OTOGL: variants seen among roughly 807,000 people sequenced by gnomAD.
OTOGL encodes the protein otogelin like.
In OTOGL, 285 loss-of-function variants were observed where a neutral mutation model predicts 318.5. That is an observed-to-expected ratio of 0.89 (90% CI 0.81 to 0.99). The LOEUF (loss-of-function observed/expected upper bound fraction) is 0.99, where lower values mean the gene tolerates loss of function less well. OTOGL is among the 50% of genes least tolerant of loss of function. The pLI, the probability that OTOGL is intolerant of heterozygous loss-of-function variation, is 0.00. For synonymous variants in OTOGL, 987 were observed against 936.5 expected, an observed-to-expected ratio of 1.05 and a Z score of -0.99; for missense variants, 2,899 against 2,845.6, an observed-to-expected ratio of 1.02 and a Z score of -0.43.
rs115396625 is a variant in OTOGL, at chr12:80,208,143, A to C, written c.-19-1270A>C. 1,177 of 495,508 alleles carry C rather than the reference A, an allele frequency of 2.4e-3. 13 individuals are homozygous for C. The highest frequency in any genetic ancestry group is 0.021 in the African/African-American group (1,091 of 51,074). 30.7% of individuals were successfully genotyped at this position (495,508 alleles called of 1,614,324 possible). A position where few individuals can be genotyped will look rare whatever the true frequency, so the allele number is the denominator to read the frequency against. On this transcript the variant is annotated intron_variant, in intron 1 of 58. Coordinates refer to ENST00000547103, the MANE Select transcript of OTOGL (RefSeq NM_001378609.3). The stretch of plus-strand genomic sequence containing the variant: ...GAAATTTGGATGTATTTTCATGCTT[A>C]AGCTTTTTCCTTTATAGACAAACAT...
chr12:80,310,927 TCTAATTTAACAGTGTAC>T (rs1433683494), intron 30 of OTOGL, among the ~76,000 whole-genome samples, 200 bp downstream of exon 30: 1 of 152,202 alleles, frequency 6.6e-6, no homozygotes, highest in African/African-American at 2.4e-5. Context: ...CCTTACTACA[TCTAATTTAACAGTGTAC>T]CTTTGTACGT....
At chr12:80,119,956 C>T (rs75481713) in intron 1 of OTOGL, among the ~76,000 whole-genome samples, 1,707 of 152,188 alleles carry the variant, frequency 0.011, 24 homozygotes, top group Middle Eastern at 0.058. Context: ...TCTTTAGAGA[C>T]TGAGGTTGAT....
intron 1 of OTOGL, among the ~76,000 whole-genome samples, chr12:80,169,631 G>A (rs1236156810): frequency 6.6e-6 from 1 of 152,110 alleles, no homozygotes. Context: ...CAATAAATCG[G>A]TTTTGTCACC....
At chr12:80,373,710 C>T (rs1472778791) in intron 57 of OTOGL, among the ~76,000 whole-genome samples, 1 of 151,302 alleles carries the variant, frequency 6.6e-6, no homozygotes, top group African/African-American at 2.4e-5. Flanking sequence ...TTTATTACCA[C>T]CAAAATCCAA....
chr12:80,377,710 C>T (rs941716705), intron 58 of OTOGL, 138 bp from the exon 59 acceptor site: 24 of 684,418 alleles, frequency 3.5e-5, no homozygotes, highest in African/African-American at 3.6e-5. Flanking sequence ...TTGTTTTTTA[C>T]GATCTTGCAA....
chr12:80,239,379 G>A lies in OTOGL; in HGVS notation c.992G>A (p.Ser331Asn), dbSNP rs1880168206. Residue 331 changes from serine to asparagine, a missense_variant, in exon 11 of 59, where the codon AGC becomes AAC. This residue lies in a region of OTOGL where 2,607 missense variants were observed against 2,524.9 expected (regional missense o/e 1.03). Coordinates refer to ENST00000547103, the MANE Select transcript of OTOGL (RefSeq NM_001378609.3). ...ATACTGTTGCAGTTTCCTTTTCTGA[G>A]CTGCCATGAGTATATCGATCCATAC... is the stretch of plus-strand genomic sequence containing the variant. ...CQILLQFPFL[S>N]CHEYIDPYLY... is the part of the protein sequence containing the mutation. The A allele has an allele frequency of 6.2e-7, 1 of 1,610,750 alleles. No homozygotes were observed. Among genetic ancestry groups the A allele is most frequent in the African/African-American group, 1.3e-5 (1 of 74,872 alleles).
At chr12:80,227,232 A>G (rs1297068955) in intron 7 of OTOGL, among the ~76,000 whole-genome samples, 2 of 152,100 alleles carry the variant, frequency 1.3e-5, no homozygotes, top group Non-Finnish European at 2.9e-5. Flanking sequence ...CTTCAGTTAT[A>G]CATTTCTCCT....
At chr12:80,107,603 A>G (rs184012923) in intron 1 of OTOGL, among the ~76,000 whole-genome samples, 1 of 152,252 alleles carries the variant, frequency 6.6e-6, no homozygotes, top group East Asian at 1.9e-4. Flanking sequence ...TATTGGGTAT[A>G]CACCCGAAAG....
intron 32 of OTOGL, among the ~76,000 whole-genome samples, chr12:80,314,729 G>A (rs1886864121): frequency 6.6e-6 from 1 of 151,908 alleles, no homozygotes; most frequent in Non-Finnish European, 1.5e-5. Flanking sequence ...TTTTTAAATT[G>A]ACAAATATAA....
chr12:80,150,071 C>G (rs1240658669), intron 1 of OTOGL, among the ~76,000 whole-genome samples: 2 of 152,164 alleles, frequency 1.3e-5, no homozygotes, highest in African/African-American at 4.8e-5. Context: ...GCCATCTTGG[C>G]TTCTCGCTTT....
intron 46 of OTOGL, 123 bp downstream of exon 46, chr12:80,353,633 G>T: frequency 1.3e-6 from 1 of 789,622 alleles, no homozygotes; most frequent in Non-Finnish European, 1.8e-6. Flanking sequence ...GAAAGGAAAT[G>T]AGTTTGTTTG....
intron 1 of OTOGL, among the ~76,000 whole-genome samples, chr12:80,149,127 G>T (rs370466778): frequency 6.6e-5 from 10 of 152,264 alleles, no homozygotes; most frequent in Non-Finnish European, 4.4e-5. Flanking sequence ...GAGGAGAGGC[G>T]CTCTGCTTTT....
chr12:80,313,599 A>C lies in OTOGL; in HGVS notation c.3574A>C (p.Ile1192Leu), dbSNP rs749249893. 3 of 1,612,900 alleles carry C rather than the reference A, an allele frequency of 1.9e-6. No homozygotes were observed. The highest frequency in any genetic ancestry group is 4.5e-5 in the East Asian group (2 of 44,802). Residue 1192 changes from isoleucine (I) to leucine (L), a missense_variant, in exon 31 of 59, where the codon ATA becomes CTA. Around this residue, in one of 3 missense-constraint regions of OTOGL, gnomAD observed 2,607 missense variants for 2,524.9 expected, o/e 1.03. Transcript: ENST00000547103. ...AYAYKCCQEG[I>L]SIHWRSSTVC... is the part of the protein sequence containing the mutation. ...TGCATACAAGTGTTGTCAGGAAGGAATATCAATTCATTGGAGATCATCTAC... is the reference window on the plus strand; with the variant it reads ...TGCATACAAGTGTTGTCAGGAAGGACTATCAATTCATTGGAGATCATCTAC...
intron 29 of OTOGL, among the ~76,000 whole-genome samples, chr12:80,307,840 C>T (rs1450512715): frequency 7.4e-6 from 1 of 134,590 alleles, no homozygotes; most frequent in Admixed American, 7.1e-5. Context: ...CCTCACCTCC[C>T]GGACAGGGCG....
chr12:80,203,554 A>G (rs1447687185), intron 1 of OTOGL, among the ~76,000 whole-genome samples: 1 of 152,196 alleles, frequency 6.6e-6, no homozygotes, highest in Non-Finnish European at 1.5e-5. Flanking sequence ...TGTGTTGCCA[A>G]TGGAACAGAA....
chr12:80,328,178 G>A (rs542953177), intron 35 of OTOGL, among the ~76,000 whole-genome samples: 1 of 151,918 alleles, frequency 6.6e-6, no homozygotes, highest in African/African-American at 2.4e-5. Context: ...AATTAGCCAG[G>A]CATGATGACA....
chr12:80,260,061 T>C (rs1882400993), intron 18 of OTOGL, among the ~76,000 whole-genome samples: 1 of 152,134 alleles, frequency 6.6e-6, no homozygotes, highest in African/African-American at 2.4e-5. Flanking sequence ...CTAAGAGTTG[T>C]GTCCTTGGTC....
chr12:80,254,622 G>A, intron 15 of OTOGL, 52 bp downstream of exon 15: 2 of 1,412,588 alleles, frequency 1.4e-6, no homozygotes, highest in South Asian at 1.2e-5. Context: ...CTTTAGACTG[G>A]GGAGAAAGAT....
chr12:80,335,940 C>A, intron 38 of OTOGL, 23 bp from the exon 39 acceptor site: 2 of 1,486,284 alleles, frequency 1.3e-6, no homozygotes, highest in South Asian at 1.4e-5. Flanking sequence ...TGAAAAAACC[C>A]ACTAATCTTT....
Sources: gnomAD v4.1 joint callset for allele counts (sites outside exome capture counted in the v4.1 genomes callset) on GRCh38, gnomAD v4.1.1 for gene constraint, gnomAD v4.1.1 regional missense constraint, MANE v1.5 for transcripts, NCBI Gene and HGNC (gene_info 2026-07-23, HGNC 2026-07-21) for gene names.